The following BPTF variants were observed in gnomAD, a reference collection of about 807,000 sequenced individuals.
BPTF encodes nucleosome-remodeling factor subunit BPTF.
A neutral mutation model predicts 292.5 loss-of-function variants in BPTF; 18 were observed. The ratio of observed to expected loss-of-function variants is 0.06; its 90% CI spans 0.04 to 0.09. The LOEUF is 0.09. Among genes scored for constraint, BPTF ranks in the 10% least tolerant of loss-of-function variants. The pLI, the probability that BPTF is intolerant of heterozygous loss-of-function variation, is 1.00. For synonymous variants in BPTF, 1,225 were observed against 1,251.9 expected (o/e 0.98, Z 0.45); for missense variants, 2,726 against 3,498.7 (o/e 0.78, Z 5.57).
chr17:67,897,416 T>C (rs976255566), intron 7 of BPTF, among the ~76,000 whole-genome samples: 1 of 150,606 alleles, frequency 6.6e-6, no homozygotes, highest in Non-Finnish European at 1.5e-5. Flanking sequence ...TTCTCTTTTA[T>C]TAGAACTTGG....
In BPTF at chr17:67,881,871, T is replaced by G. The variant is rs1159918580; in HGVS notation, c.1864+6851T>G. Among the ~76,000 whole-genome samples, 109 of 139,654 alleles carry G rather than the reference T, an allele frequency of 7.8e-4. 3 individuals carry two copies. The highest frequency in any genetic ancestry group is 2.5e-3 in the South Asian group (11 of 4,350). 91.6% of individuals were successfully genotyped at this position (139,654 alleles called of 152,430 possible). ...TTTTGGGTTTTTGTTTTTTTTTTTT[T>G]TTTTTTTTTTTTTGAGACAGGGTCT... On this transcript the variant is annotated intron_variant, in intron 4 of 27. Transcript: ENST00000306378.
intron 4 of BPTF, among the ~76,000 whole-genome samples, chr17:67,885,890 GAGTT>G (rs2060718680): frequency 6.6e-6 from 1 of 152,094 alleles, no homozygotes; most frequent in African/African-American, 2.4e-5. Context: ...ACGAGTCAGT[GAGTT>G]AGAGTTGGGT....
chr17:67,957,042 G>A (rs1486013442), intron 23 of BPTF: 1 of 152,208 alleles, frequency 6.6e-6, no homozygotes, highest in African/African-American at 2.4e-5. Context: ...TAGCACTTTG[G>A]GAGGCTGAGG....
chr17:67,949,332 T>C (rs2066057901), intron 23 of BPTF, among the ~76,000 whole-genome samples: 1 of 152,108 alleles, frequency 6.6e-6, no homozygotes, highest in African/African-American at 2.4e-5. Context: ...ACCACTGCAC[T>C]CCAGGAAGCC....
In BPTF at chr17:67,944,586, AAAAG is replaced by A. The variant is rs1388527779; in HGVS notation, c.6700+216_6700+219del. On this transcript the variant is annotated intron_variant, in intron 20 of 27. Transcript: ENST00000306378. ...ACCACCACCCTCTCCCTCCTATTAA[AAAAG>A]AGAGAGAGAGAAAGGGGGCAAAAAT... is the stretch of plus-strand genomic sequence containing the variant. The A allele has an allele frequency of 6.9e-6, 4 of 580,756 alleles. No homozygotes were observed. In the African/African-American group the frequency reaches 7.6e-5, roughly 11 times the overall value. 36.0% of individuals were successfully genotyped at this position (580,756 alleles called of 1,614,324 possible). A position where few individuals can be genotyped will look rare whatever the true frequency, so the allele number is the denominator to read the frequency against.
rs1480918453 is a variant in BPTF at position 67,854,959 on chromosome 17, A to G, written c.1436+197A>G. ...AGAAGGTAAAGGAAACATATATGAA[A>G]GAAGCAAAATTCCATTGTTTTTTGA... On this transcript the variant is annotated intron_variant, in intron 2 of 27. Coordinates refer to ENST00000306378, the MANE Select transcript of BPTF (RefSeq NM_182641.4). The surrounding 1 kb of genome is among the most constrained non-coding windows in gnomAD (Gnocchi z 5.6). Among the ~76,000 whole-genome samples the G allele has an allele frequency of 2.6e-5, 4 of 152,254 alleles. No individual in the cohort carries two copies. Among genetic ancestry groups the G allele is most frequent in the African/African-American group, 9.6e-5 (4 of 41,466 alleles).
At chr17:67,830,269 T>TA (rs1284780055) in intron 1 of BPTF, among the ~76,000 whole-genome samples, 1 of 152,188 alleles carries the variant, frequency 6.6e-6, no homozygotes, top group Non-Finnish European at 1.5e-5. Flanking sequence ...TGAGAATACT[T>TA]ACCTGGAATT....
At chr17:67,896,922 A>G (rs902401875) in intron 7 of BPTF, among the ~76,000 whole-genome samples, 1 of 152,250 alleles carries the variant, frequency 6.6e-6, no homozygotes, top group Non-Finnish European at 1.5e-5. Flanking sequence ...AAAGATGAGC[A>G]AATATGATGA....
At position 67,898,661 on chromosome 17, in the gene BPTF, C is replaced by CT. The variant is rs11289448; in HGVS notation, c.2543+4511dup. Reference sequence around the variant, plus strand: ...TTAGATAAATACGAGTATATGAAGTCTTTTTTTTTTTTTTTGAAGATGTAT... The same window carrying CT: ...TTAGATAAATACGAGTATATGAAGTCTTTTTTTTTTTTTTTTGAAGATGTAT... On this transcript the variant is annotated intron_variant, in intron 7 of 27. Transcript: ENST00000306378. Among the ~76,000 whole-genome samples, 946 of 136,812 alleles carry CT rather than the reference C, an allele frequency of 6.9e-3. 8 individuals carry two copies. Among genetic ancestry groups the CT allele is most frequent in the African/African-American group, 0.019 (723 of 37,522 alleles). 89.8% of individuals were successfully genotyped at this position (136,812 alleles called of 152,430 possible). A position where few individuals can be genotyped will look rare whatever the true frequency, so the allele number is the denominator to read the frequency against.
Position 67,854,174 on chromosome 17 carries a change from T to C in BPTF, c.848T>C (p.Met283Thr). The C allele has an allele frequency of 6.2e-7, 1 of 1,614,222 alleles. No homozygotes were observed. The change falls in exon 2 of 28, where the codon ATG becomes ACG. Residue 283 changes from methionine (M) to threonine (T), a missense_variant. Met to Thr is a moderately conservative substitution (Grantham distance 81). This residue lies in a region of BPTF where 102 missense variants were observed against 212.6 expected (regional missense o/e 0.48). Coordinates refer to ENST00000306378, the MANE Select transcript of BPTF (RefSeq NM_182641.4). This position sits in a 1 kb window ranked among gnomAD's most constrained non-coding sequence, Gnocchi z 5.6. ...GTGAGCCAAGAGCAGTGCACACTCA[T>C]GGCAGAGATGCATGTTGTGCTTTTG... ...ALVSQEQCTL[M>T]AEMHVVLLKA...
Position 67,854,201 on chromosome 17 carries a change from A to G in BPTF, c.875A>G (p.Lys292Arg). Residue 292 changes from lysine to arginine, a missense_variant, in exon 2 of 28, where the codon AAA becomes AGA. Physicochemically the swap from Lys to Arg is conservative, Grantham distance 26. Coordinates refer to ENST00000306378, the MANE Select transcript of BPTF (RefSeq NM_182641.4). The surrounding 1 kb of genome is among the most constrained non-coding windows in gnomAD (Gnocchi z 5.6). ...LMAEMHVVLLKAVLREEDTSN... is the reference protein window; with the variant it reads ...LMAEMHVVLLRAVLREEDTSN... ...GCAGAGATGCATGTTGTGCTTTTGA[A>G]AGCAGTTCTGCGTGAAGAAGACACT... The G allele has an allele frequency of 1.2e-6, 2 of 1,614,216 alleles. No individual in the cohort carries two copies. Among genetic ancestry groups the G allele is most frequent in the Non-Finnish European group, 1.7e-6 (2 of 1,180,042 alleles).
At chr17:67,844,458 A>G (rs1210089241) in intron 1 of BPTF, among the ~76,000 whole-genome samples, 3 of 151,190 alleles carry the variant, frequency 2.0e-5, no homozygotes, top group Admixed American at 6.6e-5. Flanking sequence ...CGTGTTAGCC[A>G]GTATGGTCTC....
rs949186960 is a variant in BPTF at position 67,886,447 on chromosome 17, TG to T, written c.1865-5391del. ...TTTAATTTTTTAAATGAAAGTTTGG[TG>T]GGGGGTGGAATTTAGATGTTCTTTT... On this transcript the variant is annotated intron_variant, in intron 4 of 27. Coordinates refer to ENST00000306378, the MANE Select transcript of BPTF (RefSeq NM_182641.4). The T allele has an allele frequency of 6.3e-5, 36 of 573,422 alleles. No homozygotes were observed. The African/African-American group carries it at 6.7e-4, about 11-fold the overall frequency. The allele number at this position is 573,422 out of a possible 1,614,324, so 35.5% of individuals were successfully genotyped here. A position where few individuals can be genotyped will look rare whatever the true frequency, so the allele number is the denominator to read the frequency against.
At chr17:67,943,528 T>C (rs1040869890) in intron 19 of BPTF, among the ~76,000 whole-genome samples, 3 of 152,190 alleles carry the variant, frequency 2.0e-5, no homozygotes, top group Non-Finnish European at 4.4e-5. Flanking sequence ...CCTTACTTGG[T>C]GTTTGCATTA....
chr17:67,848,224 G>A (rs532942778), intron 1 of BPTF, among the ~76,000 whole-genome samples: 46 of 151,668 alleles, frequency 3.0e-4, no homozygotes, highest in African/African-American at 1.1e-3. Flanking sequence ...CTAAAAAATC[G>A]ACAGTGGTTT....
In BPTF at chr17:67,940,615, A is replaced by C; in HGVS notation, c.6436A>C (p.Lys2146Gln). 6.2e-7 allele frequency: 1 copy of C among 1,614,192 alleles called. No homozygotes were observed. Among genetic ancestry groups the C allele is most frequent in the Non-Finnish European group, 8.5e-7 (1 of 1,180,038 alleles). ...QPPRPQQGQV[K>Q]LTMAQLTQLT... ...CCCTCGCCCCCAACAAGGACAAGTG[A>C]AGCTCACCATGGCTCAACTTACTCA... The change falls in exon 19 of 28, where the codon AAG (lysine) becomes CAG (glutamine). Residue 2146 changes from lysine to glutamine, a missense_variant. Physicochemically the swap from Lys to Gln is moderately conservative, Grantham distance 53. Coordinates refer to ENST00000306378, the MANE Select transcript of BPTF (RefSeq NM_182641.4).
At chr17:67,827,773 A>T (rs774914041) in intron 1 of BPTF, among the ~76,000 whole-genome samples, 14 of 152,162 alleles carry the variant, frequency 9.2e-5, no homozygotes, top group Non-Finnish European at 1.8e-4. Context: ...AACATAACTG[A>T]AAAAAGGTAA....
At position 67,964,716 on chromosome 17, in the gene BPTF, C is replaced by T. The variant is rs2067840591; in HGVS notation, c.8454+312C>T. Among the ~76,000 whole-genome samples, 4 of 152,122 alleles carry T rather than the reference C, an allele frequency of 2.6e-5. No homozygotes were observed. The South Asian group carries it at 8.3e-4, about 32-fold the overall frequency. On this transcript the variant is annotated intron_variant, in intron 25 of 27. Coordinates refer to ENST00000306378, the MANE Select transcript of BPTF (RefSeq NM_182641.4). ...GCAGTATGATTAGATTATAGTTGTTCTTGGCCGGGCATGGTGGCTCATGCC... is the reference window on the plus strand; with the variant it reads ...GCAGTATGATTAGATTATAGTTGTTTTTGGCCGGGCATGGTGGCTCATGCC...
chr17:67,976,187 A>G (rs2069388935), intron 27 of BPTF: 1 of 310,238 alleles, frequency 3.2e-6, no homozygotes, highest in South Asian at 8.9e-5. Flanking sequence ...AAAATTCAAG[A>G]AGTGGCCGGG....
Sources: allele counts gnomAD v4.1 joint callset (sites outside exome capture counted in the v4.1 genomes callset), GRCh38; gene constraint gnomAD v4.1.1; regional missense constraint gnomAD v4.1.1; non-coding constraint Gnocchi (gnomAD v3.1); transcripts MANE v1.5; gene names NCBI Gene and HGNC (gene_info 2026-07-23, HGNC 2026-07-21).